Variants in LARGE1 observed in about 807,000 individuals in gnomAD.
The protein encoded by LARGE1 is LARGE xylosyl- and glucuronyltransferase 1.
In LARGE1, 43 loss-of-function variants were observed where a neutral mutation model predicts 87.6. That is an observed-to-expected ratio of 0.49 (90% CI 0.38 to 0.63). The LOEUF is 0.63. LARGE1 is among the 30% of genes least tolerant of loss of function. The pLI is 0.00. For missense variants in LARGE1, 802 were observed against 1,000.2 expected, an observed-to-expected ratio of 0.80 and a Z score of 2.67; for synonymous variants, 434 against 394.6, an observed-to-expected ratio of 1.10 and a Z score of -1.18.
chr22:33,846,744 T>C (rs1192453072), intron 1 of LARGE1, among the ~76,000 whole-genome samples: 1 of 152,160 alleles, frequency 6.6e-6, no homozygotes, highest in Non-Finnish European at 1.5e-5. Flanking sequence ...GTCAAGGCTG[T>C]AGGGGTGAAA....
intron 1 of LARGE1, among the ~76,000 whole-genome samples, chr22:33,892,771 C>T (rs994532736): frequency 1.3e-5 from 2 of 152,256 alleles, no homozygotes; most frequent in African/African-American, 4.8e-5. Context: ...CTACACTCCA[C>T]TGTACTTCAG....
intron 5 of LARGE1, among the ~76,000 whole-genome samples, chr22:33,585,554 C>T (rs2078647439): frequency 2.0e-5 from 3 of 152,196 alleles, no homozygotes; most frequent in Admixed American, 2.0e-4. Flanking sequence ...TTCCCATCTA[C>T]AGTCCTGTAG....
chr22:33,864,206 G>A (rs958675976), intron 1 of LARGE1, among the ~76,000 whole-genome samples: 17 of 152,188 alleles, frequency 1.1e-4, no homozygotes, highest in African/African-American at 3.9e-4. Context: ...TTCCTTGTAG[G>A]TTTAAGGGGC....
At chr22:33,508,288 C>T (rs558790448) in intron 6 of LARGE1, among the ~76,000 whole-genome samples, 1 of 152,176 alleles carries the variant, frequency 6.6e-6, no homozygotes, top group African/African-American at 2.4e-5. Context: ...GGGGCCACTG[C>T]AGGGCACTGG....
chr22:33,102,619 A>G, the LARGE1 span, among the ~76,000 whole-genome samples: 4 of 152,152 alleles, frequency 2.6e-5, no homozygotes, highest in African/African-American at 9.7e-5. Flanking sequence ...CCTCTTGAGT[A>G]GATGGGATCA....
intron 10 of LARGE1, among the ~76,000 whole-genome samples, chr22:33,334,942 C>T (rs1434686932): frequency 6.6e-6 from 1 of 152,212 alleles, no homozygotes; most frequent in Non-Finnish European, 1.5e-5. Context: ...TTCTTCACCT[C>T]GCCGATCCCC....
intron 1 of LARGE1, among the ~76,000 whole-genome samples, chr22:33,900,024 C>A (rs1048528759): frequency 6.6e-6 from 1 of 152,170 alleles, no homozygotes; most frequent in South Asian, 2.1e-4. Flanking sequence ...AAGAGAAATG[C>A]AGTCTGAAAA....
intron 6 of LARGE1, among the ~76,000 whole-genome samples, chr22:33,501,112 A>C (rs1235092371): frequency 6.6e-6 from 1 of 152,198 alleles, no homozygotes; most frequent in Non-Finnish European, 1.5e-5. Flanking sequence ...AAGAAGCTCC[A>C]GGGCTGTATT....
At chr22:33,921,505 G>A (rs902273101), upstream of LARGE1, among the ~76,000 whole-genome samples, 7 of 152,054 alleles carry the variant, frequency 4.6e-5, no homozygotes, top group African/African-American at 9.7e-5. This position sits in a 1 kb window ranked among gnomAD's most constrained non-coding sequence, Gnocchi z 4.1. Context: ...CCCGCCTCGG[G>A]TCGCAGCTTC....
the LARGE1 span, among the ~76,000 whole-genome samples, chr22:33,103,432 CAAAAAAAA>C: frequency 1.5e-4 from 5 of 33,804 alleles, no homozygotes; most frequent in South Asian, 2.1e-3. Context: ...GACTCTGTCT[CAAAAAAAA>C]AAAAAAAAAA....
At chr22:33,440,355 G>A (rs752906882) in intron 6 of LARGE1, among the ~76,000 whole-genome samples, 4 of 152,160 alleles carry the variant, frequency 2.6e-5, no homozygotes, top group South Asian at 2.1e-4. Flanking sequence ...GCTGTGATCT[G>A]CAGGATGCTT....
intron 2 of LARGE1, among the ~76,000 whole-genome samples, chr22:33,752,522 G>A (rs966689425): frequency 6.6e-6 from 1 of 152,136 alleles, no homozygotes; most frequent in Non-Finnish European, 1.5e-5. Flanking sequence ...CATAGATGAA[G>A]TATTATGGTC....
chr22:33,312,345 C>G (rs1036750048), intron 11 of LARGE1, among the ~76,000 whole-genome samples: 5 of 148,592 alleles, frequency 3.4e-5, no homozygotes, highest in African/African-American at 5.0e-5. Flanking sequence ...GAGGTTGAGG[C>G]GGGAGAATCG....
intron 9 of LARGE1, among the ~76,000 whole-genome samples, chr22:33,369,747 T>G (rs2064740185): frequency 1.3e-5 from 2 of 152,132 alleles, no homozygotes; most frequent in Non-Finnish European, 2.9e-5. Flanking sequence ...TTTTATATTT[T>G]TAGTAGAGAC....
At chr22:33,651,858 C>T (rs1273329676) in intron 2 of LARGE1, among the ~76,000 whole-genome samples, 2 of 152,188 alleles carry the variant, frequency 1.3e-5, no homozygotes, top group East Asian at 3.8e-4. Flanking sequence ...CTCCATGTAA[C>T]AATCATACAA....
At chr22:33,611,128 T>A (rs2079416008) in intron 4 of LARGE1, among the ~76,000 whole-genome samples, 1 of 152,202 alleles carries the variant, frequency 6.6e-6, no homozygotes, top group Admixed American at 6.5e-5. Flanking sequence ...AGTGCTTAGG[T>A]TATATGTGGG....
At chr22:33,661,323 C>G (rs1001673355) in intron 2 of LARGE1, among the ~76,000 whole-genome samples, 5 of 151,350 alleles carry the variant, frequency 3.3e-5, no homozygotes, top group Admixed American at 6.6e-5. Flanking sequence ...TCAAGCGATT[C>G]CCTTGCCTCA....
intron 6 of LARGE1, among the ~76,000 whole-genome samples, chr22:33,466,432 A>G (rs1316431759): frequency 6.7e-6 from 1 of 148,618 alleles, no homozygotes; most frequent in Non-Finnish European, 1.5e-5. Flanking sequence ...GAAGTCTATG[A>G]CTTATTATTT....
chr22:33,742,234 A>G (rs140542965), intron 2 of LARGE1, among the ~76,000 whole-genome samples: 3,207 of 152,246 alleles, frequency 0.021, 53 homozygotes, highest in Non-Finnish European at 0.036. Flanking sequence ...GTAAGCAGGG[A>G]TAATAGGACC....
Sources: gnomAD v4.1 joint callset for allele counts (sites outside exome capture counted in the v4.1 genomes callset) on GRCh38, gnomAD v4.1.1 for gene constraint, Gnocchi (gnomAD v3.1) non-coding constraint, MANE v1.5 for transcripts, NCBI Gene and HGNC (gene_info 2026-07-23, HGNC 2026-07-21) for gene names.